CADM2: variants seen among roughly 807,000 people sequenced by gnomAD.
CADM2 encodes the protein cell adhesion molecule 2.
CADM2 carries 12 observed loss-of-function variants against 49.8 expected under a neutral mutation model. The observed-to-expected ratio is 0.24, with a 90% CI of 0.15 to 0.39. The LOEUF is 0.39. Ranked by LOEUF, CADM2 falls within the 10% of genes least tolerant of loss-of-function variation. The probability of loss-of-function intolerance (pLI) is 1.00; values close to 1 mark genes in which losing one functional copy is unlikely to be tolerated. For missense variants in CADM2, 378 were observed against 492.3 expected, an observed-to-expected ratio of 0.77 and a Z score of 2.20; for synonymous variants, 214 against 175.4, an observed-to-expected ratio of 1.22 and a Z score of -1.74.
At chr3:86,042,445 AAAAGCCT>A (rs1486404936) in intron 8 of CADM2, among the ~76,000 whole-genome samples, 1 of 152,228 alleles carries the variant, frequency 6.6e-6, no homozygotes. Context: ...AGAATACTAT[AAAAGCCT>A]CCATGCATAT....
intron 1 of CADM2, among the ~76,000 whole-genome samples, chr3:85,521,253 AT>A (rs2061020888): frequency 6.6e-6 from 1 of 152,076 alleles, no homozygotes; most frequent in Non-Finnish European, 1.5e-5. Flanking sequence ...ACAGTAATAT[AT>A]TTTTATTATT....
intron 1 of CADM2, among the ~76,000 whole-genome samples, chr3:85,581,255 T>C (rs2062787918): frequency 6.6e-6 from 1 of 152,116 alleles, no homozygotes; most frequent in Non-Finnish European, 1.5e-5. Flanking sequence ...AACAGAAATA[T>C]TATATACTAC....
intron 1 of CADM2, among the ~76,000 whole-genome samples, chr3:85,679,638 A>C (rs1051725941): frequency 1.3e-5 from 2 of 152,128 alleles, no homozygotes; most frequent in African/African-American, 4.8e-5. Context: ...CATGTTTGAC[A>C]ATCTTTCCGA....
chr3:85,968,225 G>C (rs1227022156), intron 8 of CADM2, among the ~76,000 whole-genome samples: 1 of 151,614 alleles, frequency 6.6e-6, no homozygotes, highest in African/African-American at 2.4e-5. Flanking sequence ...TAAGCAGGGA[G>C]AGCTCTGATG....
chr3:85,378,351 C>T (rs2107345312), intron 1 of CADM2, among the ~76,000 whole-genome samples: 1 of 152,108 alleles, frequency 6.6e-6, no homozygotes, highest in African/African-American at 2.4e-5. Flanking sequence ...CTGCAGGAGG[C>T]TCTCTTTCCA....
chr3:86,040,677 A>G (rs935075209), intron 8 of CADM2, among the ~76,000 whole-genome samples: 9 of 152,196 alleles, frequency 5.9e-5, no homozygotes, highest in African/African-American at 2.2e-4. Context: ...TATCCAGGAG[A>G]ACTTCCCCAA....
intron 3 of CADM2, among the ~76,000 whole-genome samples, chr3:85,855,597 T>TATATATAA (rs2075278326): frequency 5.2e-5 from 5 of 95,690 alleles, no homozygotes; most frequent in Non-Finnish European, 7.7e-5. Context: ...TATATATATA[T>TATATATAA]AAAACATATA....
chr3:85,588,054 A>G (rs910756737), intron 1 of CADM2, among the ~76,000 whole-genome samples: 18 of 152,082 alleles, frequency 1.2e-4, no homozygotes, highest in Non-Finnish European at 2.4e-4. Context: ...GGCATTAGCC[A>G]TCGTGCATGG....
At chr3:85,816,945 A>T (rs1246001980) in intron 3 of CADM2, among the ~76,000 whole-genome samples, 6 of 152,138 alleles carry the variant, frequency 3.9e-5, no homozygotes, top group Admixed American at 3.9e-4. Context: ...ATTCATACAA[A>T]ATAATACAAT....
intron 8 of CADM2, chr3:86,013,069 C>G: frequency 7.8e-7 from 1 of 1,287,402 alleles, no homozygotes; most frequent in Non-Finnish European, 1.1e-6. Flanking sequence ...CCTTATAGGA[C>G]AGTTCTTCGA....
At chr3:85,451,059 A>G (rs1370115643) in intron 1 of CADM2, among the ~76,000 whole-genome samples, 2 of 152,092 alleles carry the variant, frequency 1.3e-5, no homozygotes, top group African/African-American at 2.4e-5. Context: ...CCTGACTTAC[A>G]AACCAGGTAG....
intron 1 of CADM2, among the ~76,000 whole-genome samples, chr3:85,234,690 A>G (rs764445670): frequency 1.1e-4 from 16 of 152,174 alleles, no homozygotes; most frequent in Non-Finnish European, 2.1e-4. Context: ...GATGATTCAT[A>G]TTATCTACAG....
At chr3:86,032,775 C>A (rs887592373) in intron 8 of CADM2, among the ~76,000 whole-genome samples, 1 of 151,866 alleles carries the variant, frequency 6.6e-6, no homozygotes, top group Non-Finnish European at 1.5e-5. Context: ...AGGAATTAAA[C>A]CTCCTCAAAT....
At chr3:85,180,538 G>C (rs989410192) in intron 1 of CADM2, among the ~76,000 whole-genome samples, 1 of 125,804 alleles carries the variant, frequency 7.9e-6, no homozygotes, top group Non-Finnish European at 1.7e-5. Context: ...AAAAAAAAAA[G>C]AGAAGGAGAA....
At chr3:85,507,055 ATG>A (rs1274336183) in intron 1 of CADM2, among the ~76,000 whole-genome samples, 2 of 152,176 alleles carry the variant, frequency 1.3e-5, no homozygotes, top group Admixed American at 6.5e-5. Context: ...AACCAGGAGA[ATG>A]TGTTTCCAAG....
intron 1 of CADM2, among the ~76,000 whole-genome samples, chr3:85,563,835 C>T (rs1406897462): frequency 1.3e-5 from 2 of 152,036 alleles, no homozygotes; most frequent in Non-Finnish European, 2.9e-5. Flanking sequence ...ATTGCAGTGG[C>T]ACCATTAAGT....
At chr3:85,525,493 G>A (rs1429008243) in intron 1 of CADM2, among the ~76,000 whole-genome samples, 1 of 152,026 alleles carries the variant, frequency 6.6e-6, no homozygotes, top group Non-Finnish European at 1.5e-5. Context: ...TTCTATTAGT[G>A]GTAGTGTGCT....
intron 1 of CADM2, among the ~76,000 whole-genome samples, chr3:85,016,269 G>A (rs2034244307): frequency 6.6e-6 from 1 of 151,940 alleles, no homozygotes; most frequent in Non-Finnish European, 1.5e-5. Flanking sequence ...ACATGTAGAG[G>A]CACTAATAAT....
chr3:85,345,313 CAAAA>C (rs3085180), intron 1 of CADM2, among the ~76,000 whole-genome samples: 1 of 47,176 alleles, frequency 2.1e-5, no homozygotes, highest in Non-Finnish European at 3.5e-5. Flanking sequence ...GTCTCCATCT[CAAAA>C]AAAAAAAAAA....
Sources: gnomAD v4.1 joint callset for allele counts (sites outside exome capture counted in the v4.1 genomes callset) on GRCh38, gnomAD v4.1.1 for gene constraint, MANE v1.5 for transcripts, NCBI Gene and HGNC (gene_info 2026-07-23, HGNC 2026-07-21) for gene names.